SPTBN5: variants seen among roughly 807,000 people sequenced by gnomAD.
SPTBN5 encodes spectrin beta chain, non-erythrocytic 5.
SPTBN5 carries 513 observed loss-of-function variants against 477.6 expected under a neutral mutation model. The ratio of observed to expected loss-of-function variants is 1.07; its 90% CI spans 1.00 to 1.16. SPTBN5 has a LOEUF of 1.16. SPTBN5 is among the 50% of genes most tolerant of loss of function. SPTBN5 has a pLI of 0.00. For missense variants in SPTBN5, 5,062 were observed against 4,731.8 expected (o/e 1.07, Z -2.05); for synonymous variants, 2,169 against 2,011.7 (o/e 1.08, Z -2.09).
intron 55 of SPTBN5, 123 bp from the exon 56 acceptor site, chr15:41,855,099 G>A: frequency 4.9e-6 from 7 of 1,430,188 alleles, no homozygotes; most frequent in Non-Finnish European, 6.6e-6. Context: ...GGAACCATCG[G>A]GATCCTCCCT....
rs376438875 is a variant in SPTBN5 at position 41,870,523 on chromosome 15, G to C, written c.5485C>G (p.Arg1829Gly). The C allele has an allele frequency of 6.2e-7, 1 of 1,611,444 alleles. No homozygotes were observed. The highest frequency in any genetic ancestry group is 8.5e-7 in the Non-Finnish European group (1 of 1,179,738). ...WSELWELTQA[R>G]GHALRDTETT... The stretch of plus-strand genomic sequence containing the variant: ...TCGGTGTCTCGGAGCGCGTGGCCTC[G>C]GGCCTGGGTCAGCTCCCACAGCTCC... Residue 1829 changes from arginine (R) to glycine (G), a missense_variant, in exon 30 of 68, where the codon CGA becomes GGA. Physicochemically the swap from Arg to Gly is moderately radical, Grantham distance 125. Coordinates refer to ENST00000320955, the MANE Select transcript of SPTBN5 (RefSeq NM_016642.4).
Position 41,862,849 on chromosome 15 carries a change from G to T in SPTBN5, c.7204C>A (p.Leu2402Met). 6.3e-7 allele frequency: 1 copy of T among 1,591,246 alleles called. No individual in the cohort carries two copies. The highest frequency in any genetic ancestry group is 8.5e-7 in the Non-Finnish European group (1 of 1,169,722). ...TCCAGCTCCTCGTGTTTCCGCAGCA[G>T]CCTCTGCACGCTCTCCAGATCTTTC... ...CGKDLESVQR[L>M]LRKHEELERE... The change falls in exon 42 of 68, where the codon CTG becomes ATG. Residue 2402 changes from leucine to methionine, a missense_variant. By Grantham distance (15) the Leu-to-Met change is conservative (BLOSUM62 2). Transcript: ENST00000320955.
Position 41,858,553 on chromosome 15 carries a change from G to A in SPTBN5, c.8226+49C>T, listed in dbSNP as rs763286957. The A allele has an allele frequency of 1.9e-6, 3 of 1,585,052 alleles. No individual in the cohort carries two copies. In the Admixed American group the frequency reaches 5.2e-5, roughly 27 times the overall value. ...CACCAGCTCTGGGGCACTGTCCTGT[G>A]TTCTGCCTGGAGAGCTGTCCCACCA... On this transcript the variant is annotated intron_variant, in intron 49 of 67. Coordinates refer to ENST00000320955, the MANE Select transcript of SPTBN5 (RefSeq NM_016642.4).
At chr15:41,853,492 C>CA (rs777380695) in intron 58 of SPTBN5, 45 bp from the exon 59 acceptor site, 4 of 1,541,044 alleles carry the variant, frequency 2.6e-6, no homozygotes, top group Non-Finnish European at 3.5e-6. Context: ...GGCTGGGGAG[C>CA]AGGGGAGGGA....
chr15:41,849,140 G>C (rs757130740), intron 67 of SPTBN5, among the ~76,000 whole-genome samples: 3 of 152,182 alleles, frequency 2.0e-5, no homozygotes, highest in Non-Finnish European at 4.4e-5. Flanking sequence ...CCTGTCTCCA[G>C]TCCCTCCTCC....
chr15:41,888,378 G>A lies in SPTBN5; in HGVS notation c.502-293C>T, dbSNP rs145926954. 8.8e-4 allele frequency among the ~76,000 whole-genome samples: 134 copies of A among 152,366 alleles called. 1 individual carries two copies. Among genetic ancestry groups the A allele is most frequent in the Non-Finnish European group, 1.4e-3 (95 of 68,042 alleles). ...AGGTGATCACACAGCAACAGCTCCC[G>A]TTTTTTGAGCCCTTCTGACGGGCCA... On this transcript the variant is annotated intron_variant, in intron 4 of 67. Transcript: ENST00000320955.
chr15:41,866,249 A>C lies in SPTBN5; in HGVS notation c.6631-20T>G. Reference sequence around the variant, plus strand: ...TCCCTTCTGGAGGGAGAGAGGGGACACAGGACATCTTGCCTGCTGCACTTC... The same window carrying C: ...TCCCTTCTGGAGGGAGAGAGGGGACCCAGGACATCTTGCCTGCTGCACTTC... On this transcript the variant is annotated intron_variant, in intron 37 of 67. Coordinates refer to ENST00000320955, the MANE Select transcript of SPTBN5 (RefSeq NM_016642.4). 2 of 1,583,506 alleles carry C rather than the reference A, an allele frequency of 1.3e-6. No individual in the cohort carries two copies. Among genetic ancestry groups the C allele is most frequent in the Non-Finnish European group, 1.7e-6 (2 of 1,165,056 alleles).
chr15:41,880,333 G>C (rs1156506118), intron 13 of SPTBN5, 21 bp from the exon 14 acceptor site: 1 of 1,582,930 alleles, frequency 6.3e-7, no homozygotes, highest in Non-Finnish European at 8.6e-7. Flanking sequence ...GTGGCCCAAG[G>C]CTGGGGTGAG....
Position 41,874,984 on chromosome 15 carries a change from T to C in SPTBN5, c.4360A>G (p.Ser1454Gly), listed in dbSNP as rs376997477. 2.5e-6 allele frequency: 4 copies of C among 1,613,624 alleles called. No individual in the cohort carries two copies. Among genetic ancestry groups the C allele is most frequent in the Admixed American group, 1.7e-5 (1 of 59,998 alleles). The change falls in exon 23 of 68, where the codon AGC becomes GGC. Residue 1454 changes from serine (S) to glycine (G), a missense_variant. By Grantham distance (56) the Ser-to-Gly change is moderately conservative. Coordinates refer to ENST00000320955, the MANE Select transcript of SPTBN5 (RefSeq NM_016642.4). ...TGGTGCCGTTTCTGCAGCCTCTGGCTGGAGCGCAGGTCCTGCCCTGTTTCC... is the reference window on the plus strand; with the variant it reads ...TGGTGCCGTTTCTGCAGCCTCTGGCCGGAGCGCAGGTCCTGCCCTGTTTCC... The part of the protein sequence containing the change: ...SSETGQDLRS[S>G]QRLQKRHQQL...
chr15:41,892,061 C>G (rs1648808), intron 3 of SPTBN5, among the ~76,000 whole-genome samples: 1 of 152,098 alleles, frequency 6.6e-6, no homozygotes, highest in African/African-American at 2.4e-5. Flanking sequence ...GCTCTTGCAC[C>G]TGCTCAGGAC....
chr15:41,861,361 G>C, intron 46 of SPTBN5, 58 bp downstream of exon 46: 3 of 1,478,594 alleles, frequency 2.0e-6, no homozygotes, highest in Admixed American at 1.7e-5. Flanking sequence ...TGGCTGGTTT[G>C]ACCCCTAATG....
rs929640096 is a variant in SPTBN5, at chr15:41,852,538, C to T, written c.10449+96G>A. 72 of 1,402,652 alleles carry T rather than the reference C, an allele frequency of 5.1e-5. 1 individual carries two copies. Among genetic ancestry groups the T allele is most frequent in the East Asian group, 6.8e-5 (3 of 43,884 alleles). The allele number at this position is 1,402,652 out of a possible 1,614,324, so 86.9% of individuals were successfully genotyped here. A position where few individuals can be genotyped will look rare whatever the true frequency, so the allele number is the denominator to read the frequency against. ...GGGAAAGGAGCAGGTAAGGCAGGGC[C>T]GGGTGAGGGCTCAGTGCCCTGGGAG... is the stretch of plus-strand genomic sequence containing the variant. On this transcript the variant is annotated intron_variant, in intron 61 of 67. Coordinates refer to ENST00000320955, the MANE Select transcript of SPTBN5 (RefSeq NM_016642.4).
intron 7 of SPTBN5, 30 bp downstream of exon 7, chr15:41,885,705 T>C (rs1440079157): frequency 6.5e-7 from 1 of 1,539,564 alleles, no homozygotes; most frequent in Non-Finnish European, 8.8e-7. Context: ...CTCAGCCAGC[T>C]GTGGGGAGAG....
intron 61 of SPTBN5, 144 bp downstream of exon 61, chr15:41,852,490 T>G: frequency 7.8e-7 from 1 of 1,283,996 alleles, no homozygotes; most frequent in Non-Finnish European, 1.1e-6. Flanking sequence ...CAATGGTGCC[T>G]CTCCCACCAC....
At chr15:41,863,324 C>A (rs1289895899) in intron 41 of SPTBN5, among the ~76,000 whole-genome samples, 1 of 152,244 alleles carries the variant, frequency 6.6e-6, no homozygotes, top group Non-Finnish European at 1.5e-5. Flanking sequence ...CTGCCAGATT[C>A]CAGCCCGGGG....
chr15:41,849,240 A>G (rs1337855188), intron 67 of SPTBN5, among the ~76,000 whole-genome samples: 4 of 152,140 alleles, frequency 2.6e-5, no homozygotes, highest in African/African-American at 9.7e-5. Flanking sequence ...AGGGGGGTTG[A>G]GCATCGAAAT....
At chr15:41,852,523 C>A in intron 61 of SPTBN5, 111 bp downstream of exon 61, 2 of 1,336,110 alleles carry the variant, frequency 1.5e-6, no homozygotes, top group Non-Finnish European at 2.1e-6. Flanking sequence ...GGGAAAGGAG[C>A]AGGTAAGGCA....
rs756138618 is a variant in SPTBN5 at position 41,879,265 on chromosome 15, G to A, written c.3177C>T (p.Val1059=). The A allele has an allele frequency of 7.5e-6, 12 of 1,610,638 alleles. No homozygotes were observed. Among genetic ancestry groups the A allele is most frequent in the African/African-American group, 5.3e-5 (4 of 74,876 alleles). The part of the protein sequence containing the change: ...ERRVHFLQSV[V]VKVEEPGYAE... ...CACCACTGCGCTGGCCGTACTTTAC[G>A]ACCACACTTTGGAGGAAGTGGACCC... is the stretch of plus-strand genomic sequence containing the variant. Residue 1059 remains valine (V), a synonymous_variant, in exon 16 of 68, where the codon GTC becomes GTT. Transcript: ENST00000320955.
chr15:41,862,990 T>G, intron 41 of SPTBN5, 87 bp from the exon 42 acceptor site: 1 of 1,223,912 alleles, frequency 8.2e-7, no homozygotes, highest in East Asian at 2.6e-5. Flanking sequence ...GGCTTCTGTG[T>G]GCACAGCAAG....
Sources: gnomAD v4.1 joint callset for allele counts (sites outside exome capture counted in the v4.1 genomes callset) on GRCh38, gnomAD v4.1.1 for gene constraint, MANE v1.5 for transcripts, NCBI Gene and HGNC (gene_info 2026-07-23, HGNC 2026-07-21) for gene names.